NCALD: variants seen among roughly 807,000 people sequenced by gnomAD.
The protein encoded by NCALD is neurocalcin-delta.
Under a neutral mutation model 18.6 loss-of-function variants are expected in NCALD, and 10 were observed. The observed-to-expected ratio is 0.54, with a 90% confidence interval of 0.33 to 0.91. The LOEUF (loss-of-function observed/expected upper bound fraction) is 0.91, where lower values mean the gene tolerates loss of function less well. Among genes scored for constraint, NCALD ranks in the 40% least tolerant of loss-of-function variants. The probability of loss-of-function intolerance (pLI) is 0.03; values close to 1 mark genes in which losing one functional copy is unlikely to be tolerated. For synonymous variants in NCALD, 88 were observed against 87.4 expected (o/e 1.01, Z -0.04); for missense variants, 184 against 247.6 (o/e 0.74, Z 1.72).
chr8:101,932,719 A>C (rs188951478), intron 2 of NCALD, among the ~76,000 whole-genome samples: 37 of 152,308 alleles, frequency 2.4e-4, no homozygotes, highest in African/African-American at 8.2e-4. Flanking sequence ...AGGAGAGCTC[A>C]TTAGAGGTAC....
At chr8:101,836,602 G>A (rs1269052674) in intron 4 of NCALD, among the ~76,000 whole-genome samples, 1 of 152,128 alleles carries the variant, frequency 6.6e-6, no homozygotes, top group Non-Finnish European at 1.5e-5. Context: ...GTAAAACTTT[G>A]TTTAGACAAA....
chr8:102,037,594 G>A (rs1333160789), intron 1 of NCALD, among the ~76,000 whole-genome samples: 2 of 152,130 alleles, frequency 1.3e-5, no homozygotes, highest in Admixed American at 6.6e-5. Context: ...CTATCTCTAG[G>A]TGTTGAGATT....
intron 2 of NCALD, among the ~76,000 whole-genome samples, chr8:102,000,195 C>T (rs1040241387): frequency 1.3e-5 from 2 of 152,210 alleles, no homozygotes; most frequent in African/African-American, 4.8e-5. Flanking sequence ...GCTTTTCTCA[C>T]AGTCTTAGCA....
intron 1 of NCALD, among the ~76,000 whole-genome samples, chr8:102,056,387 G>A (rs568075148): frequency 1.3e-5 from 2 of 152,304 alleles, no homozygotes; most frequent in South Asian, 4.1e-4. Context: ...CCAGCTTTGG[G>A]ATCTGCAAAA....
intron 1 of NCALD, among the ~76,000 whole-genome samples, chr8:101,757,537 T>C (rs1810938310): frequency 6.6e-6 from 1 of 152,198 alleles, no homozygotes; most frequent in Admixed American, 6.5e-5. Context: ...TGGCTGTCAT[T>C]CTTTTTATTC....
intron 4 of NCALD, among the ~76,000 whole-genome samples, chr8:101,822,397 G>A (rs750324584): frequency 1.3e-5 from 2 of 152,098 alleles, no homozygotes; most frequent in Non-Finnish European, 2.9e-5. Flanking sequence ...AAAGGAGCTG[G>A]TCGATTGCCT....
intron 1 of NCALD, among the ~76,000 whole-genome samples, chr8:102,026,376 T>C (rs1822456159): frequency 6.6e-6 from 1 of 152,208 alleles, no homozygotes; most frequent in Admixed American, 6.5e-5. Context: ...GGTACAGGAA[T>C]TGGGTAAATG....
At chr8:102,046,187 A>G (rs1258107559) in intron 1 of NCALD, among the ~76,000 whole-genome samples, 1 of 152,228 alleles carries the variant, frequency 6.6e-6, no homozygotes, top group African/African-American at 2.4e-5. Context: ...TGAGAACAAT[A>G]TATGATAAAC....
At chr8:101,898,772 T>G (rs1291543822) in intron 3 of NCALD, among the ~76,000 whole-genome samples, 1 of 152,182 alleles carries the variant, frequency 6.6e-6, no homozygotes, top group Admixed American at 6.5e-5. Flanking sequence ...CACACAGTCT[T>G]GACTACGATA....
intron 3 of NCALD, among the ~76,000 whole-genome samples, chr8:101,897,093 A>G (rs1264910420): frequency 1.5e-5 from 1 of 64,660 alleles, no homozygotes; most frequent in Non-Finnish European, 2.6e-5. Context: ...ATTATTCACA[A>G]TAGCAAAGAC....
At chr8:101,956,486 A>T (rs1250336878) in intron 2 of NCALD, among the ~76,000 whole-genome samples, 1 of 152,182 alleles carries the variant, frequency 6.6e-6, no homozygotes, top group Non-Finnish European at 1.5e-5. Flanking sequence ...ACACACACCG[A>T]AGGCAAGTGC....
intron 1 of NCALD, among the ~76,000 whole-genome samples, chr8:101,740,560 T>C (rs1810142474): frequency 6.6e-6 from 1 of 152,228 alleles, no homozygotes; most frequent in Non-Finnish European, 1.5e-5. Flanking sequence ...TGTATATTTG[T>C]GTGCTTAAGG....
chr8:102,015,495 T>C (rs1292113389), intron 2 of NCALD, among the ~76,000 whole-genome samples: 2 of 152,238 alleles, frequency 1.3e-5, no homozygotes, highest in Non-Finnish European at 2.9e-5. Context: ...CTGGCAATTG[T>C]ATTTACAACC....
At chr8:101,932,580 C>A (rs74558285) in intron 2 of NCALD, among the ~76,000 whole-genome samples, 1 of 152,076 alleles carries the variant, frequency 6.6e-6, no homozygotes, top group Admixed American at 6.5e-5. Context: ...TTTCCCTTAA[C>A]CACAGCTTTC....
intron 2 of NCALD, among the ~76,000 whole-genome samples, chr8:101,917,500 A>G (rs1818010887): frequency 6.6e-6 from 1 of 152,120 alleles, no homozygotes; most frequent in Non-Finnish European, 1.5e-5. Context: ...AAATGAACAA[A>G]GTTGAGACCC....
intron 1 of NCALD, among the ~76,000 whole-genome samples, chr8:101,742,324 C>T (rs963943074): frequency 6.6e-5 from 10 of 151,950 alleles, no homozygotes; most frequent in Non-Finnish European, 1.2e-4. Context: ...GTAAGTATTC[C>T]ATTTGAATAA....
intron 1 of NCALD, among the ~76,000 whole-genome samples, chr8:102,098,641 G>T (rs1383751810): frequency 6.6e-6 from 1 of 152,190 alleles, no homozygotes; most frequent in African/African-American, 2.4e-5. Flanking sequence ...CACCCTAAAA[G>T]AAACAAGGAT....
chr8:101,787,662 C>CT (rs1812282281), intron 1 of NCALD, among the ~76,000 whole-genome samples: 1 of 152,144 alleles, frequency 6.6e-6, no homozygotes, highest in Non-Finnish European at 1.5e-5. Flanking sequence ...TTAATACCCC[C>CT]TGTATTGGTC....
intron 1 of NCALD, among the ~76,000 whole-genome samples, chr8:101,784,419 C>T (rs1372576006): frequency 1.3e-5 from 2 of 152,146 alleles, no homozygotes; most frequent in East Asian, 3.9e-4. Flanking sequence ...CCACTGTACT[C>T]TATCAGTTGG....
Sources: gnomAD v4.1 joint callset for allele counts (sites outside exome capture counted in the v4.1 genomes callset) on GRCh38, gnomAD v4.1.1 for gene constraint, MANE v1.5 for transcripts, NCBI Gene and HGNC (gene_info 2026-07-23, HGNC 2026-07-21) for gene names.